SENP7: variants seen among roughly 807,000 people sequenced by gnomAD.
SENP7 encodes SUMO specific peptidase 7.
In SENP7, 64 loss-of-function variants were observed where a neutral mutation model predicts 141.2. That is an observed-to-expected ratio of 0.45 (90% CI 0.37 to 0.56). The LOEUF is 0.56. SENP7 is among the 20% of genes least tolerant of loss of function. SENP7 has a pLI of 0.00. For missense variants in SENP7, 1,025 were observed against 1,212.2 expected (o/e 0.85, Z 2.29); for synonymous variants, 382 against 426.4 (o/e 0.90, Z 1.28).
intron 3 of SENP7, among the ~76,000 whole-genome samples, chr3:101,468,110 G>A (rs2063831556): frequency 6.6e-6 from 1 of 152,160 alleles, no homozygotes; most frequent in African/African-American, 2.4e-5. Context: ...GGGTATCAGT[G>A]ATTGAAGATC....
rs531527412 is a variant in SENP7, at chr3:101,406,803, C to G, written c.483-7748G>C. 1.2e-4 allele frequency among the ~76,000 whole-genome samples: 19 copies of G among 152,228 alleles called. No individual in the cohort carries two copies. The South Asian group carries it at 1.5e-3, about 12-fold the overall frequency. ...CTAAAGTTAATATGAAGGAAAGAAT[C>G]TTAAGAGCTGTGAGGCAAAAGCACC... On this transcript the variant is annotated intron_variant, in intron 5 of 23. Transcript: ENST00000394095.
Position 101,327,748 on chromosome 3 carries a change from T to C in SENP7, c.2933A>G (p.Asp978Gly). 1 of 1,611,774 alleles carries C rather than the reference T, an allele frequency of 6.2e-7. No individual in the cohort carries two copies. Among genetic ancestry groups the C allele is most frequent in the Non-Finnish European group, 8.5e-7 (1 of 1,178,518 alleles). The change falls in exon 23 of 24, where the codon GAT becomes GGT. Residue 978 changes from aspartate (D) to glycine (G), a missense_variant. By Grantham distance (94) the Asp-to-Gly change is moderately conservative. Transcript: ENST00000394095. ...HRQFSKTNMV[D>G]LCPKVPKQDN... ...CTGTTTAGGAACTTTAGGGCATAGA[T>C]CCACCATGTTTGTTTTGCTGAATTG...
intron 4 of SENP7, among the ~76,000 whole-genome samples, chr3:101,443,534 C>T (rs1444914731): frequency 4.6e-5 from 7 of 151,678 alleles, no homozygotes; most frequent in Non-Finnish European, 2.9e-5. Flanking sequence ...TATAAATTAC[C>T]TTGGGCGGTA....
intron 4 of SENP7, among the ~76,000 whole-genome samples, chr3:101,424,314 A>AC (rs2061883230): frequency 1.9e-5 from 2 of 104,738 alleles, no homozygotes; most frequent in Admixed American, 2.1e-4. Flanking sequence ...ATGGCAACCC[A>AC]CCCCCCATCC....
At chr3:101,478,384 G>A (rs2064310038) in intron 3 of SENP7, among the ~76,000 whole-genome samples, 1 of 152,084 alleles carries the variant, frequency 6.6e-6, no homozygotes, top group African/African-American at 2.4e-5. Flanking sequence ...AGCCAGCCAT[G>A]GTCGTGCATA....
intron 2 of SENP7, among the ~76,000 whole-genome samples, chr3:101,499,308 G>C (rs981507696): frequency 6.6e-6 from 1 of 152,078 alleles, no homozygotes; most frequent in Non-Finnish European, 1.5e-5. Flanking sequence ...AAAAATAGTG[G>C]TAGTTAATAC....
At chr3:101,456,728 C>T (rs1290205511) in intron 4 of SENP7, among the ~76,000 whole-genome samples, 1 of 152,094 alleles carries the variant, frequency 6.6e-6, no homozygotes, top group Non-Finnish European at 1.5e-5. Context: ...CCTGTGCCCA[C>T]CACTTTACAA....
chr3:101,387,662 C>T (rs2060696452), intron 6 of SENP7, among the ~76,000 whole-genome samples: 1 of 152,216 alleles, frequency 6.6e-6, no homozygotes, highest in Non-Finnish European at 1.5e-5. Flanking sequence ...CAGCCACTGC[C>T]TGTGCACTCC....
At chr3:101,384,585 C>T (rs1180294834) in intron 6 of SENP7, among the ~76,000 whole-genome samples, 1 of 152,244 alleles carries the variant, frequency 6.6e-6, no homozygotes, top group Admixed American at 6.5e-5. Context: ...CTGGAGCTGC[C>T]CGTCCCACCA....
intron 17 of SENP7, among the ~76,000 whole-genome samples, chr3:101,334,500 T>C (rs485037): frequency 0.87 from 132,447 of 152,134 alleles, 58,234 homozygotes; most frequent in East Asian, 1. Flanking sequence ...TCTTGTTCAT[T>C]TGAATAATAT....
intron 3 of SENP7, among the ~76,000 whole-genome samples, chr3:101,481,043 T>C (rs1014986175): frequency 2.8e-5 from 4 of 141,334 alleles, no homozygotes; most frequent in African/African-American, 1.1e-4. Context: ...TAAATTAGTA[T>C]AGCTATTATG....
intron 23 of SENP7, among the ~76,000 whole-genome samples, chr3:101,326,410 A>G (rs938509393): frequency 6.6e-6 from 1 of 152,128 alleles, no homozygotes; most frequent in African/African-American, 2.4e-5. Flanking sequence ...ACTATATATT[A>G]TCCTTCCTCT....
At chr3:101,434,645 T>C (rs1402352880) in intron 4 of SENP7, among the ~76,000 whole-genome samples, 5 of 152,128 alleles carry the variant, frequency 3.3e-5, no homozygotes, top group Admixed American at 1.3e-4. Flanking sequence ...TGAGCAATTA[T>C]ATGCCAATAA....
chr3:101,501,050 A>C lies in SENP7; in HGVS notation c.90+20T>G, dbSNP rs745490614. On this transcript the variant is annotated intron_variant, in intron 2 of 23. Coordinates refer to ENST00000394095, the MANE Select transcript of SENP7 (RefSeq NM_020654.5). Reference sequence around the variant, plus strand: ...CAGTAACTCCAAAGATAATAGGTTAAAAGCAAAACAAATGCATACCTCCGA... The same window carrying C: ...CAGTAACTCCAAAGATAATAGGTTACAAGCAAAACAAATGCATACCTCCGA... 7 of 1,560,360 alleles carry C rather than the reference A, an allele frequency of 4.5e-6. No homozygotes were observed. In the African/African-American group the frequency reaches 9.5e-5, roughly 21 times the overall value.
At chr3:101,421,038 A>G (rs2061777184) in intron 4 of SENP7, among the ~76,000 whole-genome samples, 1 of 152,188 alleles carries the variant, frequency 6.6e-6, no homozygotes, top group Non-Finnish European at 1.5e-5. Flanking sequence ...TACTCGGGAA[A>G]TTCTGATTGT....
intron 3 of SENP7, among the ~76,000 whole-genome samples, chr3:101,484,911 T>C (rs1173254017): frequency 6.6e-6 from 1 of 152,020 alleles, no homozygotes; most frequent in Non-Finnish European, 1.5e-5. Context: ...CTTGGGACTG[T>C]TGAGGGGAGC....
chr3:101,475,406 A>G (rs1297966161), intron 3 of SENP7, among the ~76,000 whole-genome samples: 2 of 152,228 alleles, frequency 1.3e-5, no homozygotes, highest in African/African-American at 4.8e-5. Flanking sequence ...CTTTGCAGGG[A>G]CATGGATGGA....
intron 4 of SENP7, among the ~76,000 whole-genome samples, chr3:101,454,441 G>A (rs866170600): frequency 6.6e-6 from 1 of 152,082 alleles, no homozygotes. Context: ...GAGCCTGGGA[G>A]ATGGAGGCTG....
intron 3 of SENP7, among the ~76,000 whole-genome samples, chr3:101,463,771 A>C (rs1334302164): frequency 6.6e-6 from 1 of 152,028 alleles, no homozygotes; most frequent in African/African-American, 2.4e-5. Context: ...GAAGACAGAG[A>C]TGTTGAAATT....
Sources: allele counts gnomAD v4.1 joint callset (sites outside exome capture counted in the v4.1 genomes callset), GRCh38; gene constraint gnomAD v4.1.1; transcripts MANE v1.5; gene names NCBI Gene and HGNC (gene_info 2026-07-23, HGNC 2026-07-21).